RFTN1: variants seen among roughly 807,000 people sequenced by gnomAD.
RFTN1 encodes the protein raftlin, lipid raft linker 1.
RFTN1 carries 26 observed loss-of-function variants against 46.5 expected under a neutral mutation model. That is an observed-to-expected ratio of 0.56 (90% CI 0.41 to 0.78). The LOEUF (loss-of-function observed/expected upper bound fraction) is 0.78. RFTN1 is among the 30% of genes least tolerant of loss of function. The pLI is 0.00. For synonymous variants in RFTN1, 261 were observed against 284.2 expected (o/e 0.92, Z 0.82); for missense variants, 693 against 718.7 (o/e 0.96, Z 0.41).
chr3:16,363,678 A>G (rs529717526), intron 6 of RFTN1, among the ~76,000 whole-genome samples: 1 of 152,336 alleles, frequency 6.6e-6, no homozygotes, highest in East Asian at 1.9e-4. Flanking sequence ...CGGTCAATGC[A>G]TTTGGTCTAT....
intron 2 of RFTN1, among the ~76,000 whole-genome samples, chr3:16,435,947 A>T (rs964956033): frequency 7.3e-6 from 1 of 136,104 alleles, no homozygotes; most frequent in African/African-American, 3.1e-5. Flanking sequence ...TATATATATC[A>T]CACACATATG....
At position 16,342,029 on chromosome 3, in the gene RFTN1, C is replaced by G; in HGVS notation, c.1147-15153G>C. Among the ~76,000 whole-genome samples the G allele has an allele frequency of 6.6e-6, 1 of 152,056 alleles. No homozygotes were observed. The highest frequency in any genetic ancestry group is 1.9e-4 in the East Asian group (1 of 5,206). Reference sequence around the variant, plus strand: ...TTTAATGACCACTTGTCACTTTTTTCAACATCTTTATTGATATATAATTGG... The same window carrying G: ...TTTAATGACCACTTGTCACTTTTTTGAACATCTTTATTGATATATAATTGG... On this transcript the variant is annotated intron_variant, in intron 7 of 9. Coordinates refer to ENST00000334133, the MANE Select transcript of RFTN1 (RefSeq NM_015150.2). This position sits in a 1 kb window ranked among gnomAD's most constrained non-coding sequence, Gnocchi z 4.0.
In RFTN1 at chr3:16,448,176, G is replaced by T. The variant is rs9865372; in HGVS notation, c.146-14139C>A. 3.1e-3 allele frequency among the ~76,000 whole-genome samples: 464 copies of T among 151,202 alleles called. 3 individuals carry two copies. The highest frequency in any genetic ancestry group is 0.011 in the African/African-American group (438 of 41,330). ...TTTTTTATTGATTCCATATTGAAATGATAAATTGTCTAAGATATTGGATTA... is the reference window on the plus strand; with the variant it reads ...TTTTTTATTGATTCCATATTGAAATTATAAATTGTCTAAGATATTGGATTA... On this transcript the variant is annotated intron_variant, in intron 2 of 9. Transcript: ENST00000334133. This position sits in a 1 kb window ranked among gnomAD's most constrained non-coding sequence, Gnocchi z 4.1.
chr3:16,494,139 T>C (rs898259586), intron 1 of RFTN1, among the ~76,000 whole-genome samples: 20 of 152,214 alleles, frequency 1.3e-4, no homozygotes, highest in Admixed American at 1.2e-3. Context: ...ACCTGTTTTA[T>C]ATCTTTTTTC....
rs149226992 is a variant in RFTN1, at chr3:16,353,916, C to T, written c.1146+4016G>A. Among the ~76,000 whole-genome samples the T allele has an allele frequency of 2.0e-5, 3 of 152,236 alleles. No homozygotes were observed. Among genetic ancestry groups the T allele is most frequent in the East Asian group, 1.9e-4 (1 of 5,184 alleles). Reference sequence around the variant, plus strand: ...GGAAAGAAATTTCTGTCGTTTAATCCGTCTAGTCTGGTATTTTGTTATGGC... The same window carrying T: ...GGAAAGAAATTTCTGTCGTTTAATCTGTCTAGTCTGGTATTTTGTTATGGC... On this transcript the variant is annotated intron_variant, in intron 7 of 9. Transcript: ENST00000334133. This position sits in a 1 kb window ranked among gnomAD's most constrained non-coding sequence, Gnocchi z 5.4.
At chr3:16,362,325 T>C (rs528813964) in intron 6 of RFTN1, among the ~76,000 whole-genome samples, 2 of 152,326 alleles carry the variant, frequency 1.3e-5, no homozygotes, top group Admixed American at 1.3e-4. Flanking sequence ...TCTGCTTTGC[T>C]GAAATGTTCC....
rs2074225894 is a variant in RFTN1 at position 16,387,573 on chromosome 3, T to TCTCTCTCTCTCTCC, written c.442-9472_442-9471insGGAGAGAGAGAGAG. 2.6e-5 allele frequency among the ~76,000 whole-genome samples: 1 copy of TCTCTCTCTCTCTCC among 38,948 alleles called. No homozygotes were observed. Among genetic ancestry groups the TCTCTCTCTCTCTCC allele is most frequent in the African/African-American group, 5.6e-5 (1 of 17,816 alleles). 25.6% of individuals were successfully genotyped at this position (38,948 alleles called of 152,430 possible). On this transcript the variant is annotated intron_variant, in intron 4 of 9. Transcript: ENST00000334133. The surrounding 1 kb of genome is among the most constrained non-coding windows in gnomAD (Gnocchi z 5.2). Reference sequence around the variant, plus strand: ...TTCTCTCTTCTATATCCTCAATTTCTCTCTCTCTCTCTCTCTCTCTCTCTC... The same window carrying TCTCTCTCTCTCTCC: ...TTCTCTCTTCTATATCCTCAATTTCTCTCTCTCTCTCTCCCTCTCTCTCTCTCTCTCTCTCTCTC...
intron 4 of RFTN1, among the ~76,000 whole-genome samples, chr3:16,404,257 A>G (rs185499009): frequency 0.23 from 2,720 of 11,834 alleles, 830 homozygotes; most frequent in African/African-American, 0.55. Context: ...TATATAATAT[A>G]TAATATATAA....
At chr3:16,494,048 C>T (rs1336643245) in intron 1 of RFTN1, among the ~76,000 whole-genome samples, 171 bp from the exon 2 acceptor site, 3 of 152,154 alleles carry the variant, frequency 2.0e-5, no homozygotes, top group Admixed American at 1.3e-4. Context: ...GGACTGTGCT[C>T]AGTACTCAGG....
intron 4 of RFTN1, among the ~76,000 whole-genome samples, chr3:16,399,487 G>T (rs1367334654): frequency 1.3e-5 from 2 of 152,170 alleles, no homozygotes; most frequent in Non-Finnish European, 2.9e-5. Flanking sequence ...GGAAAGGGCT[G>T]ATAACTCCTC....
At position 16,334,144 on chromosome 3, in the gene RFTN1, G is replaced by A. The variant is rs867336681; in HGVS notation, c.1147-7268C>T. Among the ~76,000 whole-genome samples, 13 of 152,140 alleles carry A rather than the reference G, an allele frequency of 8.5e-5. No individual in the cohort carries two copies. Among genetic ancestry groups the A allele is most frequent in the African/African-American group, 2.9e-4 (12 of 41,416 alleles). On this transcript the variant is annotated intron_variant, in intron 7 of 9. Coordinates refer to ENST00000334133, the MANE Select transcript of RFTN1 (RefSeq NM_015150.2). The surrounding 1 kb of genome is among the most constrained non-coding windows in gnomAD (Gnocchi z 4.3). Reference sequence around the variant, plus strand: ...CGTGCCACTGCACTCCAGCCTGGGCGACAGAGCAAGACTCTGTCTCAAAAC... The same window carrying A: ...CGTGCCACTGCACTCCAGCCTGGGCAACAGAGCAAGACTCTGTCTCAAAAC...
Position 16,466,447 on chromosome 3 carries a change from C to T in RFTN1, c.145+27278G>A, listed in dbSNP as rs990122500. On this transcript the variant is annotated intron_variant, in intron 2 of 9. Coordinates refer to ENST00000334133, the MANE Select transcript of RFTN1 (RefSeq NM_015150.2). The surrounding 1 kb of genome is among the most constrained non-coding windows in gnomAD (Gnocchi z 5.6). ...AAGTGACCTCCAACATCATATACTC[C>T]AAATTCCTCAACTGGTGGTTCATGA... Among the ~76,000 whole-genome samples, 3 of 152,158 alleles carry T rather than the reference C, an allele frequency of 2.0e-5. No homozygotes were observed. Among genetic ancestry groups the T allele is most frequent in the African/African-American group, 7.2e-5 (3 of 41,436 alleles).
chr3:16,430,112 T>TG (rs1431716696), intron 3 of RFTN1, among the ~76,000 whole-genome samples: 1 of 152,118 alleles, frequency 6.6e-6, no homozygotes, highest in Non-Finnish European at 1.5e-5. Context: ...CCGTTTTTTT[T>TG]TTGTTGTTGT....
intron 3 of RFTN1, among the ~76,000 whole-genome samples, chr3:16,420,998 C>T (rs1454810712): frequency 1.3e-5 from 2 of 152,164 alleles, no homozygotes; most frequent in Non-Finnish European, 2.9e-5. Flanking sequence ...CCACCAGTTC[C>T]AGTGTGTCTC....
chr3:16,444,856 C>T (rs1389632691), intron 2 of RFTN1, among the ~76,000 whole-genome samples: 1 of 152,130 alleles, frequency 6.6e-6, no homozygotes. Context: ...GCTGTTTTAC[C>T]AAAAACTGGG....
Position 16,345,273 on chromosome 3 carries a change from T to TGTGTGC in RFTN1, c.1146+12658_1146+12659insGCACAC. The TGTGTGC allele has an allele frequency of 6.9e-6, 1 of 144,126 alleles. No homozygotes were observed. The highest frequency in any genetic ancestry group is 2.0e-4 in the East Asian group (1 of 5,086). The allele number at this position is 144,126 out of a possible 1,614,324, so 8.9% of individuals were successfully genotyped here. A position where few individuals can be genotyped will look rare whatever the true frequency, so the allele number is the denominator to read the frequency against. On this transcript the variant is annotated intron_variant, in intron 7 of 9. Coordinates refer to ENST00000334133, the MANE Select transcript of RFTN1 (RefSeq NM_015150.2). The surrounding 1 kb of genome is among the most constrained non-coding windows in gnomAD (Gnocchi z 5.2). ...GATAATAAGTAGGTGGTTGTGTGTG[T>TGTGTGC]GTGTGTGTGTGTGTGTGTGTGTGTG...
At chr3:16,462,423 C>T (rs922033082) in intron 2 of RFTN1, among the ~76,000 whole-genome samples, 1 of 152,178 alleles carries the variant, frequency 6.6e-6, no homozygotes, top group Non-Finnish European at 1.5e-5. Flanking sequence ...AGTTAAGGAC[C>T]TTGGAAAGAG....
Position 16,434,409 on chromosome 3 carries a change from C to CAAAA in RFTN1, c.146-373_146-372insTTTT, listed in dbSNP as rs2075461508. 2.6e-5 allele frequency among the ~76,000 whole-genome samples: 3 copies of CAAAA among 113,860 alleles called. No homozygotes were observed. In the Admixed American group the frequency reaches 2.9e-4, roughly 11 times the overall value. The allele number at this position is 113,860 out of a possible 152,430, so 74.7% of individuals were successfully genotyped here. A position where few individuals can be genotyped will look rare whatever the true frequency, so the allele number is the denominator to read the frequency against. On this transcript the variant is annotated intron_variant, in intron 2 of 9. Transcript: ENST00000334133. The stretch of plus-strand genomic sequence containing the variant: ...ACAAACAAACAAAAACAAAAAAACC[C>CAAAA]CCTCAAAATTAGCCAGTGCTTGTGG...
At chr3:16,357,790 G>C (rs932603454) in intron 7 of RFTN1, 142 bp downstream of exon 7, 2 of 551,022 alleles carry the variant, frequency 3.6e-6, no homozygotes, top group African/African-American at 3.8e-5. Context: ...AAAGACTAAG[G>C]GGATCCTTCT....
Sources: gnomAD v4.1 joint callset for allele counts (sites outside exome capture counted in the v4.1 genomes callset) on GRCh38, gnomAD v4.1.1 for gene constraint, Gnocchi (gnomAD v3.1) non-coding constraint, MANE v1.5 for transcripts, NCBI Gene and HGNC (gene_info 2026-07-23, HGNC 2026-07-21) for gene names.